DMRT1: variants seen among roughly 807,000 people sequenced by gnomAD.
DMRT1 encodes the protein doublesex- and mab-3-related transcription factor 1.
A neutral mutation model predicts 32.3 loss-of-function variants in DMRT1; 7 were observed. The ratio of observed to expected loss-of-function variants is 0.22; its 90% CI spans 0.12 to 0.41. DMRT1 has a LOEUF of 0.41. Ranked by LOEUF, DMRT1 falls within the 10% of genes least tolerant of loss-of-function variation. The pLI is 1.00. For missense variants in DMRT1, 625 were observed against 500.5 expected (o/e 1.25, Z -2.37); for synonymous variants, 278 against 206.1 (o/e 1.35, Z -2.99).
chr9:853,856 C>G (rs969207690), intron 2 of DMRT1, among the ~76,000 whole-genome samples: 6 of 152,124 alleles, frequency 3.9e-5, no homozygotes, highest in African/African-American at 7.2e-5. Flanking sequence ...AGTGTAGTGG[C>G]TCCATCATGG....
At position 935,812 on chromosome 9, in the gene DMRT1, T is replaced by C. The variant is rs182746932; in HGVS notation, c.967+18905T>C. Among the ~76,000 whole-genome samples the C allele has an allele frequency of 2.1e-4, 32 of 152,358 alleles. No homozygotes were observed. In the East Asian group the frequency reaches 6.2e-3, roughly 29 times the overall value. On this transcript the variant is annotated intron_variant, in intron 4 of 4. Coordinates refer to ENST00000382276, the MANE Select transcript of DMRT1 (RefSeq NM_021951.3). ...AGTATAAATGACTTTTGTTTACTTA[T>C]CAAACCAAATGTTTGTCTCCAGGAA... is the stretch of plus-strand genomic sequence containing the variant.
At chr9:885,506 T>A (rs1363894865) in intron 2 of DMRT1, among the ~76,000 whole-genome samples, 2 of 152,222 alleles carry the variant, frequency 1.3e-5, no homozygotes, top group African/African-American at 4.8e-5. Context: ...GTTGTTCTGC[T>A]GGTCAAATGG....
intron 4 of DMRT1, among the ~76,000 whole-genome samples, chr9:922,329 A>G (rs1185076615): frequency 6.6e-6 from 1 of 152,182 alleles, no homozygotes; most frequent in Non-Finnish European, 1.5e-5. Flanking sequence ...TCTAGTGCCC[A>G]GATGGAGGGT....
At chr9:944,194 G>A (rs1419692197) in intron 4 of DMRT1, among the ~76,000 whole-genome samples, 5 of 152,222 alleles carry the variant, frequency 3.3e-5, no homozygotes, top group African/African-American at 9.6e-5. Flanking sequence ...CGGCACATGA[G>A]TGGTGTTCAC....
chr9:875,989 C>T (rs1391133629), intron 2 of DMRT1, among the ~76,000 whole-genome samples: 1 of 152,116 alleles, frequency 6.6e-6, no homozygotes, highest in Non-Finnish European at 1.5e-5. Context: ...TGGCTGGGAA[C>T]TCGAGTTCCC....
At chr9:881,974 A>C (rs1816752209) in intron 2 of DMRT1, among the ~76,000 whole-genome samples, 1 of 152,244 alleles carries the variant, frequency 6.6e-6, no homozygotes, top group African/African-American at 2.4e-5. Flanking sequence ...GCCGTGAGAC[A>C]GGCTTTCATG....
chr9:869,358 A>T (rs1367653157), intron 2 of DMRT1, among the ~76,000 whole-genome samples: 1 of 152,228 alleles, frequency 6.6e-6, no homozygotes, highest in Non-Finnish European at 1.5e-5. Context: ...GTGAATACAA[A>T]GGTGTACTCA....
Position 842,090 on chromosome 9 carries a change from C to T in DMRT1, c.252C>T (p.Tyr84=), listed in dbSNP as rs755079068. The T allele has an allele frequency of 7.5e-5, 116 of 1,546,356 alleles. 1 individual carries two copies. The Admixed American group carries it at 2.1e-3, about 28-fold the overall frequency. ...GCGCACGCTGCAGGAACCACGGCTA[C>T]GCCTCGCCGCTCAAGGGCCACAAGC... ...PKCARCRNHG[Y]ASPLKGHKRF... is the part of the protein sequence containing the mutation. The change falls in exon 1 of 5, where the codon TAC becomes TAT. Residue 84 remains tyrosine, a synonymous_variant. Coordinates refer to ENST00000382276, the MANE Select transcript of DMRT1 (RefSeq NM_021951.3).
intron 4 of DMRT1, among the ~76,000 whole-genome samples, chr9:959,056 G>T (rs1478792785): frequency 1.3e-5 from 2 of 152,226 alleles, no homozygotes; most frequent in Non-Finnish European, 2.9e-5. Flanking sequence ...AACCTAGTTT[G>T]TAGAGTGGCA....
chr9:941,165 A>G (rs1295221976), intron 4 of DMRT1, among the ~76,000 whole-genome samples: 1 of 152,170 alleles, frequency 6.6e-6, no homozygotes, highest in African/African-American at 2.4e-5. Context: ...TCCAGCAATT[A>G]CACTTCTTGA....
chr9:874,903 G>C lies in DMRT1; in HGVS notation c.539-19009G>C, dbSNP rs1589484601. ...CTTCACTGCAAGCTCCACCTCCCGG[G>C]TTCATGCCATTCTCTTGCCTCAGCC... On this transcript the variant is annotated intron_variant, in intron 2 of 4. Coordinates refer to ENST00000382276, the MANE Select transcript of DMRT1 (RefSeq NM_021951.3). 2.0e-5 allele frequency among the ~76,000 whole-genome samples: 3 copies of C among 147,962 alleles called. No homozygotes were observed. In the East Asian group the frequency reaches 6.0e-4, roughly 29 times the overall value.
intron 3 of DMRT1, among the ~76,000 whole-genome samples, chr9:896,890 T>A (rs968763842): frequency 6.6e-6 from 1 of 152,100 alleles, no homozygotes; most frequent in Non-Finnish European, 1.5e-5. Flanking sequence ...CCCATTCTGT[T>A]CCATTTTGCG....
chr9:935,709 T>A (rs931628461), intron 4 of DMRT1, among the ~76,000 whole-genome samples: 11 of 152,336 alleles, frequency 7.2e-5, no homozygotes, highest in African/African-American at 1.9e-4. Context: ...CAGCGCTAAA[T>A]GGACTGTAAT....
At chr9:864,699 A>G (rs970468924) in intron 2 of DMRT1, among the ~76,000 whole-genome samples, 7 of 149,054 alleles carry the variant, frequency 4.7e-5, no homozygotes, top group Non-Finnish European at 8.9e-5. Flanking sequence ...ACAGGGTTTC[A>G]CCATGTTAGC....
intron 4 of DMRT1, among the ~76,000 whole-genome samples, chr9:929,551 C>T (rs1028616917): frequency 6.6e-6 from 1 of 151,924 alleles, no homozygotes; most frequent in African/African-American, 2.4e-5. Context: ...TCTCCTTCTG[C>T]TTGGGTGATA....
chr9:892,769 C>G (rs978834981), intron 2 of DMRT1, among the ~76,000 whole-genome samples: 2 of 152,160 alleles, frequency 1.3e-5, no homozygotes, highest in Non-Finnish European at 2.9e-5. Flanking sequence ...TGGACTGAGG[C>G]CCGCCTCACC....
chr9:957,951 C>G (rs420061), intron 4 of DMRT1, among the ~76,000 whole-genome samples: 134,925 of 152,190 alleles, frequency 0.89, 60,102 homozygotes, highest in East Asian at 1. Flanking sequence ...GGAGGTTGCC[C>G]CGATTGGAGA....
rs111352962 is a variant in DMRT1 at position 905,606 on chromosome 9, G to T, written c.823-11157G>T. 4.2e-3 allele frequency among the ~76,000 whole-genome samples: 640 copies of T among 152,032 alleles called. 4 individuals carry two copies. Among genetic ancestry groups the T allele is most frequent in the African/African-American group, 0.015 (605 of 41,466 alleles). On this transcript the variant is annotated intron_variant, in intron 3 of 4. Transcript: ENST00000382276. The stretch of plus-strand genomic sequence containing the variant: ...GGTTTTTTGTTTGAGTCATTTGTTT[G>T]CAAACCCCGAAGAGGAGTCTTTCAT...
intron 4 of DMRT1, among the ~76,000 whole-genome samples, chr9:940,417 A>G (rs899250282): frequency 1.3e-5 from 2 of 152,348 alleles, no homozygotes; most frequent in East Asian, 1.9e-4. Flanking sequence ...TGTATGGTCA[A>G]ATGATTTTTG....
Sources: gnomAD v4.1 joint callset for allele counts (sites outside exome capture counted in the v4.1 genomes callset) on GRCh38, gnomAD v4.1.1 for gene constraint, MANE v1.5 for transcripts, NCBI Gene and HGNC (gene_info 2026-07-23, HGNC 2026-07-21) for gene names.